Variants in NLRP13 observed in about 807,000 individuals in gnomAD.
NLRP13 encodes NLR family pyrin domain containing 13, also known as NACHT, LRR and PYD domains-containing protein 13.
Under a neutral mutation model 94.4 loss-of-function variants are expected in NLRP13, and 82 were observed. That is an observed-to-expected ratio of 0.87 (90% CI 0.73 to 1.04). The LOEUF (loss-of-function observed/expected upper bound fraction) is 1.04. Among genes scored for constraint, NLRP13 ranks in the 50% least tolerant of loss-of-function variants. The pLI is 0.00. For synonymous variants in NLRP13, 553 were observed against 464.7 expected, an observed-to-expected ratio of 1.19 and a Z score of -2.45; for missense variants, 1,426 against 1,230.8, an observed-to-expected ratio of 1.16 and a Z score of -2.37.
intron 4 of NLRP13, among the ~76,000 whole-genome samples, chr19:55,915,089 A>G (rs978999398): frequency 6.6e-6 from 1 of 152,202 alleles, no homozygotes; most frequent in Non-Finnish European, 1.5e-5. Flanking sequence ...AGCAAAGGGT[A>G]CAAAGTTTCA....
chr19:55,918,794 C>T (rs915612097), intron 4 of NLRP13, among the ~76,000 whole-genome samples: 1 of 149,974 alleles, frequency 6.7e-6, no homozygotes, highest in African/African-American at 2.5e-5. Context: ...ACAAGACATA[C>T]AAAGAAGAAC....
chr19:55,931,718 A>AGACAGAAAGAAAGAAAGAAGGAAAGAAAG lies in NLRP13; in HGVS notation c.319+274_319+275insCTTTCTTTCCTTCTTTCTTTCTTTCTGTC. Among the ~76,000 whole-genome samples, 201 of 95,810 alleles carry AGACAGAAAGAAAGAAAGAAGGAAAGAAAG rather than the reference A, an allele frequency of 2.1e-3. 5 individuals are homozygous for AGACAGAAAGAAAGAAAGAAGGAAAGAAAG. The highest frequency in any genetic ancestry group is 3.0e-3 in the East Asian group (9 of 2,960). 62.9% of individuals were successfully genotyped at this position (95,810 alleles called of 152,430 possible). A position where few individuals can be genotyped will look rare whatever the true frequency, so the allele number is the denominator to read the frequency against. On this transcript the variant is annotated intron_variant, in intron 1 of 10. Transcript: ENST00000342929. ...AGTGGAGACTCAGGCTCAAAAAAAAAAAAAAAAGAAAGAAAGAAAGAAAGA... is the reference window on the plus strand; with the variant it reads ...AGTGGAGACTCAGGCTCAAAAAAAAAGACAGAAAGAAAGAAAGAAGGAAAGAAAGAAAAAAAGAAAGAAAGAAAGAAAGA...
At chr19:55,906,337 C>CAAAAAAAAAAAAAAA (rs71182931) in intron 7 of NLRP13, among the ~76,000 whole-genome samples, 11 of 60,962 alleles carry the variant, frequency 1.8e-4, no homozygotes, top group East Asian at 5.4e-4. Context: ...GACTCCATCT[C>CAAAAAAAAAAAAAAA]AAAAAAAAAA....
rs78959844 is a variant in NLRP13, at chr19:55,916,175, G to A, written c.524-2882C>T. ...ATGAAAGCACTCAGAAAAGCCAAAT[G>A]ACCCTACTAAACACACATTATAGTC... On this transcript the variant is annotated intron_variant, in intron 4 of 10. Coordinates refer to ENST00000342929, the MANE Select transcript of NLRP13 (RefSeq NM_176810.2). Among the ~76,000 whole-genome samples, 11 of 152,194 alleles carry A rather than the reference G, an allele frequency of 7.2e-5. No individual in the cohort carries two copies. The East Asian group carries it at 2.1e-3, about 29-fold the overall frequency.
chr19:55,913,819 C>T (rs570982541), intron 4 of NLRP13, among the ~76,000 whole-genome samples: 5 of 152,046 alleles, frequency 3.3e-5, no homozygotes, highest in African/African-American at 1.2e-4. Context: ...CTGCAAGCCT[C>T]GTGAGTGTGC....
At chr19:55,906,457 A>G (rs551473186) in intron 7 of NLRP13, among the ~76,000 whole-genome samples, 1 of 152,178 alleles carries the variant, frequency 6.6e-6, no homozygotes, top group Non-Finnish European at 1.5e-5. Context: ...AGGTTCCCCA[A>G]AACCTACCCA....
chr19:55,913,263 T>C lies in NLRP13; in HGVS notation c.554A>G (p.Lys185Arg), dbSNP rs537432158. The change falls in exon 5 of 11, where the codon AAG becomes AGG. Residue 185 changes from lysine to arginine, a missense_variant. Coordinates refer to ENST00000342929, the MANE Select transcript of NLRP13 (RefSeq NM_176810.2). ...GTCCCATGTCTCCAGTAGTTCAGCC[T>C]TCATGTTCTCTCTGTATTTTCTTCT... ...DHRRKYRENM[K>R]AELLETWDNI... The C allele has an allele frequency of 6.2e-7, 1 of 1,614,074 alleles. No homozygotes were observed. Among genetic ancestry groups the C allele is most frequent in the Admixed American group, 1.7e-5 (1 of 60,012 alleles).
At chr19:55,914,341 T>C (rs1334672240) in intron 4 of NLRP13, among the ~76,000 whole-genome samples, 3 of 152,208 alleles carry the variant, frequency 2.0e-5, no homozygotes, top group African/African-American at 7.2e-5. Context: ...ATCGTGATTA[T>C]CTTTGCTTTG....
At chr19:55,898,714 C>T (rs1986082744) in intron 10 of NLRP13, 56 bp downstream of exon 10, 1 of 1,501,542 alleles carries the variant, frequency 6.7e-7, no homozygotes, top group East Asian at 2.3e-5. Flanking sequence ...GATCATATCT[C>T]CCCACCCGCA....
chr19:55,895,383 A>G (rs1264820929), downstream of NLRP13, among the ~76,000 whole-genome samples: 3 of 151,838 alleles, frequency 2.0e-5, no homozygotes, highest in Non-Finnish European at 4.4e-5. Context: ...TCCATCTCAA[A>G]AAAGAAAAGA....
intron 10 of NLRP13, among the ~76,000 whole-genome samples, chr19:55,896,820 C>CAAAAAAAAAAAAAAAAAAAAAAAAA: frequency 1.2e-5 from 1 of 80,914 alleles, no homozygotes; most frequent in South Asian, 7.8e-4. Context: ...CTCCATCTCA[C>CAAAAAAAAAAAAAAAAAAAAAAAAA]AAAAAAAAAA....
At position 55,912,508 on chromosome 19, in the gene NLRP13, G is replaced by T. The variant is rs773058023; in HGVS notation, c.1309C>A (p.Gln437Lys). The change falls in exon 5 of 11, where the codon CAG (glutamine) becomes AAG (lysine). Residue 437 changes from glutamine (Q) to lysine (K), a missense_variant. Coordinates refer to ENST00000342929, the MANE Select transcript of NLRP13 (RefSeq NM_176810.2). ...VCWTVCSCLK[Q>K]PKVRYYDLQS... ...AGATCGTAATACCTCACCTTCGGCT[G>T]CTTCAGACAGGAACATACGGTCCAA... 10 of 1,614,058 alleles carry T rather than the reference G, an allele frequency of 6.2e-6. No homozygotes were observed. The highest frequency in any genetic ancestry group is 7.6e-6 in the Non-Finnish European group (9 of 1,180,006).
At chr19:55,904,681 C>T (rs1021838124) in intron 8 of NLRP13, among the ~76,000 whole-genome samples, 1 of 152,158 alleles carries the variant, frequency 6.6e-6, no homozygotes, top group African/African-American at 2.4e-5. Flanking sequence ...CTGCTAGAAG[C>T]TCACATATGA....
At chr19:55,924,109 A>C (rs1286120007) in intron 3 of NLRP13, 130 bp from the exon 4 acceptor site, 1 of 710,120 alleles carries the variant, frequency 1.4e-6, no homozygotes, top group Admixed American at 2.4e-5. Flanking sequence ...AGAAATCAGC[A>C]TGCCCAGTTT....
In NLRP13 at chr19:55,927,515, A is replaced by T. The variant is rs181489911; in HGVS notation, c.320-2480T>A. ...ATTTGTACACCTGTGGAAGCCTGAA[A>T]TAGATTCTTCCACTGCAAATTCACA... On this transcript the variant is annotated intron_variant, in intron 1 of 10. Transcript: ENST00000342929. Among the ~76,000 whole-genome samples, 166 of 151,666 alleles carry T rather than the reference A, an allele frequency of 1.1e-3. 2 individuals carry two copies. The highest frequency in any genetic ancestry group is 6.6e-3 in the Admixed American group (101 of 15,250).
In NLRP13 at chr19:55,912,839, C is replaced by T. The variant is rs1986563927; in HGVS notation, c.978G>A (p.Leu326=). 1 of 1,614,044 alleles carries T rather than the reference C, an allele frequency of 6.2e-7. No individual in the cohort carries two copies. The highest frequency in any genetic ancestry group is 1.3e-5 in the African/African-American group (1 of 74,940). Residue 326 remains leucine, a synonymous_variant, in exon 5 of 11, where the codon TTG becomes TTA. Coordinates refer to ENST00000342929, the MANE Select transcript of NLRP13 (RefSeq NM_176810.2). ...IIISESRSES[L]DDGSPCTDWY... is the part of the protein sequence containing the mutation. ...AGTCTGTACATGGCGAGCCATCATCCAAGCTCTCAGAGCGTGACTCAGATA... is the reference window on the plus strand; with the variant it reads ...AGTCTGTACATGGCGAGCCATCATCTAAGCTCTCAGAGCGTGACTCAGATA...
chr19:55,901,596 G>C (rs180676380), intron 9 of NLRP13, among the ~76,000 whole-genome samples: 1 of 152,180 alleles, frequency 6.6e-6, no homozygotes, highest in African/African-American at 2.4e-5. Context: ...CGGTACTGTG[G>C]ATTGAAGAAG....
chr19:55,913,103 C>A lies in NLRP13; in HGVS notation c.714G>T (p.Gly238=). ...GCATTGCCAAGGTGGTCTTCCCAAC[C>A]CCTGCCCTCCCCACCAAGACTATCG... ...AQTIVLVGRA[G]VGKTTLAMQA... Residue 238 remains glycine (G), a synonymous_variant, in exon 5 of 11, where the codon GGG becomes GGT. Transcript: ENST00000342929. 1 of 1,614,138 alleles carries A rather than the reference C, an allele frequency of 6.2e-7. No homozygotes were observed. Among genetic ancestry groups the A allele is most frequent in the Non-Finnish European group, 8.5e-7 (1 of 1,180,010 alleles).
downstream of NLRP13, chr19:55,895,912 G>A (rs767827101): frequency 6.2e-7 from 1 of 1,604,608 alleles, no homozygotes; most frequent in Non-Finnish European, 8.5e-7. Context: ...CCTTGTCCCT[G>A]TATGTTCTCC....
Sources: gnomAD v4.1 joint callset for allele counts (sites outside exome capture counted in the v4.1 genomes callset) on GRCh38, gnomAD v4.1.1 for gene constraint, MANE v1.5 for transcripts, NCBI Gene and HGNC (gene_info 2026-07-23, HGNC 2026-07-21) for gene names.